IQSEC1: variants seen among roughly 807,000 people sequenced by gnomAD.
The protein encoded by IQSEC1 is IQ motif and SEC7 domain-containing protein 1.
In IQSEC1, 31 loss-of-function variants were observed where a neutral mutation model predicts 91.0. That is an observed-to-expected ratio of 0.34 (90% CI 0.26 to 0.46). IQSEC1 has a LOEUF of 0.46. Ranked by LOEUF, IQSEC1 falls within the 20% of genes least tolerant of loss-of-function variation. The pLI is 1.00. For missense variants in IQSEC1, 1,388 were observed against 1,575.6 expected, an observed-to-expected ratio of 0.88 and a Z score of 2.02; for synonymous variants, 699 against 662.6, an observed-to-expected ratio of 1.05 and a Z score of -0.84.
intron 1 of IQSEC1, among the ~76,000 whole-genome samples, chr3:13,243,051 C>T (rs1203846439): frequency 6.6e-6 from 1 of 152,168 alleles, no homozygotes; most frequent in Non-Finnish European, 1.5e-5. Flanking sequence ...AGTTAGGCTT[C>T]AGAATTGTCC....
intron 1 of IQSEC1, among the ~76,000 whole-genome samples, chr3:13,173,893 C>T (rs1346753289): frequency 6.6e-6 from 1 of 152,174 alleles, no homozygotes; most frequent in African/African-American, 2.4e-5. Context: ...TCGGAGTGAG[C>T]CTGGCCTCTG....
chr3:12,930,349 T>C (rs957136177), intron 3 of IQSEC1, among the ~76,000 whole-genome samples: 1 of 152,158 alleles, frequency 6.6e-6, no homozygotes, highest in Non-Finnish European at 1.5e-5. Context: ...GCCTAAGAGA[T>C]GTGGAAGTGG....
Position 12,940,454 on chromosome 3 carries a change from C to A in IQSEC1, c.318+1117G>T, listed in dbSNP as rs1174153981. On this transcript the variant is annotated intron_variant, in intron 2 of 13. Coordinates refer to ENST00000613206, the MANE Select transcript of IQSEC1 (RefSeq NM_001134382.3). The surrounding 1 kb of genome is among the most constrained non-coding windows in gnomAD (Gnocchi z 4.4). The stretch of plus-strand genomic sequence containing the variant: ...AAAGAAAAAGGATAACCAGGAAGAT[C>A]TGGGAGCAAGCAGAGGGCGGGCGGG... Among the ~76,000 whole-genome samples the A allele has an allele frequency of 6.6e-6, 1 of 151,598 alleles. No homozygotes were observed. Among genetic ancestry groups the A allele is most frequent in the Non-Finnish European group, 1.5e-5 (1 of 67,896 alleles).
chr3:13,094,899 T>C (rs1425051253), intron 2 of IQSEC1, among the ~76,000 whole-genome samples: 1 of 152,150 alleles, frequency 6.6e-6, no homozygotes, highest in African/African-American at 2.4e-5. Flanking sequence ...CGATGGACCA[T>C]GGACACAGAC....
At chr3:13,093,852 G>C (rs1386763634) in intron 2 of IQSEC1, among the ~76,000 whole-genome samples, 1 of 152,172 alleles carries the variant, frequency 6.6e-6, no homozygotes, top group Non-Finnish European at 1.5e-5. Flanking sequence ...CTAGGTCCAG[G>C]GATGTGCACG....
Position 12,897,468 on chromosome 3 carries a change from G to A in IQSEC1, c.*3515C>T, listed in dbSNP as rs140298220. The A allele has an allele frequency of 6.6e-6, 1 of 152,334 alleles. No individual in the cohort carries two copies. The highest frequency in any genetic ancestry group is 1.9e-4 in the East Asian group (1 of 5,182). 9.4% of individuals were successfully genotyped at this position (152,334 alleles called of 1,614,324 possible). A position where few individuals can be genotyped will look rare whatever the true frequency, so the allele number is the denominator to read the frequency against. ...CTCGGAGGCAAAAGATATTTTCCAA[G>A]AGGAGATGCATGCTGTGTGCAGTCT... On this transcript the variant is annotated 3_prime_UTR_variant, in exon 14 of 14. Transcript: ENST00000613206.
chr3:12,996,153 T>G (rs1702220131), intron 1 of IQSEC1, among the ~76,000 whole-genome samples: 1 of 152,194 alleles, frequency 6.6e-6, no homozygotes, highest in Non-Finnish European at 1.5e-5. Flanking sequence ...AGAGCAAGAC[T>G]TTGTCTCTTA....
intron 2 of IQSEC1, among the ~76,000 whole-genome samples, chr3:13,157,087 C>T (rs1170506700): frequency 6.6e-6 from 1 of 152,214 alleles, no homozygotes; most frequent in African/African-American, 2.4e-5. Context: ...TCCTCACTGT[C>T]CCAAACACTG....
intron 2 of IQSEC1, among the ~76,000 whole-genome samples, chr3:13,148,430 T>A (rs1706933546): frequency 6.6e-6 from 1 of 152,312 alleles, no homozygotes; most frequent in East Asian, 1.9e-4. Flanking sequence ...AATCAAATCA[T>A]GAATCTTAAA....
chr3:13,098,879 A>T (rs1706010428), intron 2 of IQSEC1, among the ~76,000 whole-genome samples: 1 of 152,228 alleles, frequency 6.6e-6, no homozygotes, highest in African/African-American at 2.4e-5. Context: ...TGTGAAATGG[A>T]TTCACAACTC....
chr3:13,023,464 G>T (rs565452138), intron 1 of IQSEC1, among the ~76,000 whole-genome samples: 1 of 152,268 alleles, frequency 6.6e-6, no homozygotes, highest in East Asian at 1.9e-4. Context: ...AGAAGGGCAG[G>T]TGCACCCAGC....
intron 1 of IQSEC1, among the ~76,000 whole-genome samples, chr3:13,173,481 C>T (rs989062541): frequency 2.6e-5 from 4 of 152,328 alleles, no homozygotes; most frequent in Middle Eastern, 6.8e-3. Flanking sequence ...GCTGGCCTCC[C>T]AAGGCCTCCT....
chr3:13,228,955 T>C (rs1182601323), intron 1 of IQSEC1, among the ~76,000 whole-genome samples: 2 of 152,228 alleles, frequency 1.3e-5, no homozygotes, highest in Non-Finnish European at 2.9e-5. Context: ...CTCTCATTGG[T>C]CTGAGAACTC....
chr3:13,091,038 C>T (rs1705851329), intron 2 of IQSEC1, among the ~76,000 whole-genome samples: 1 of 152,326 alleles, frequency 6.6e-6, no homozygotes, highest in South Asian at 2.1e-4. Context: ...ACCGCCCACA[C>T]TCCTCTGCCC....
chr3:13,122,469 AGAGG>A (rs1706442011), intron 2 of IQSEC1, among the ~76,000 whole-genome samples: 1 of 146,590 alleles, frequency 6.8e-6, no homozygotes, highest in South Asian at 2.3e-4. Flanking sequence ...TCAGGGAGGG[AGAGG>A]GAGGGAGGAA....
intron 1 of IQSEC1, among the ~76,000 whole-genome samples, chr3:13,012,693 G>A (rs571363133): frequency 6.6e-6 from 1 of 152,302 alleles, no homozygotes; most frequent in East Asian, 1.9e-4. Context: ...GAAGACAGTA[G>A]GAAGGAAAGC....
chr3:12,953,909 A>T (rs879300418), intron 1 of IQSEC1, among the ~76,000 whole-genome samples: 16 of 152,210 alleles, frequency 1.1e-4, no homozygotes, highest in Non-Finnish European at 1.8e-4. Context: ...AGTCAGTGAG[A>T]GTGTTCCAGG....
At chr3:13,016,152 C>T (rs1048173098) in intron 1 of IQSEC1, among the ~76,000 whole-genome samples, 1 of 152,238 alleles carries the variant, frequency 6.6e-6, no homozygotes. Flanking sequence ...GGCAGGGCCC[C>T]CCACATCCCC....
At chr3:12,923,023 TG>T (rs2125193976) in intron 4 of IQSEC1, among the ~76,000 whole-genome samples, 1 of 152,150 alleles carries the variant, frequency 6.6e-6, no homozygotes, top group African/African-American at 2.4e-5. Context: ...CATCTCCACA[TG>T]GGGGCGATGC....
Sources: gnomAD v4.1 joint callset for allele counts (sites outside exome capture counted in the v4.1 genomes callset) on GRCh38, gnomAD v4.1.1 for gene constraint, Gnocchi (gnomAD v3.1) non-coding constraint, MANE v1.5 for transcripts, NCBI Gene and HGNC (gene_info 2026-07-23, HGNC 2026-07-21) for gene names.